SLC25A27: variants seen among roughly 807,000 people sequenced by gnomAD.
SLC25A27 encodes mitochondrial uncoupling protein 4.
In SLC25A27, 35 loss-of-function variants were observed where a neutral mutation model predicts 49.1. The ratio of observed to expected loss-of-function variants is 0.71; its 90% CI spans 0.54 to 0.95. The LOEUF is 0.95. SLC25A27 is among the 40% of genes least tolerant of loss of function. SLC25A27 has a pLI of 0.00. For synonymous variants in SLC25A27, 144 were observed against 136.9 expected (o/e 1.05, Z -0.36); for missense variants, 339 against 397.1 (o/e 0.85, Z 1.24).
At chr6:46,670,679 C>CA (rs1357276165) in intron 7 of SLC25A27, 2 of 167,974 alleles carry the variant, frequency 1.2e-5, no homozygotes, top group Non-Finnish European at 2.5e-5. Context: ...AAGATCAAAA[C>CA]AAGTTTTCTG....
At chr6:46,670,375 C>G (rs1763485057) in intron 7 of SLC25A27, 148 bp downstream of exon 7, 1 of 587,370 alleles carries the variant, frequency 1.7e-6, no homozygotes, top group Non-Finnish European at 3.0e-6. Context: ...CAATTACCTG[C>G]TCTTTGATGA....
intron 8 of SLC25A27, among the ~76,000 whole-genome samples, chr6:46,672,432 G>C (rs1327656542): frequency 6.6e-6 from 1 of 152,136 alleles, no homozygotes; most frequent in Non-Finnish European, 1.5e-5. Flanking sequence ...CTGTCGTGTG[G>C]ATTGGGAAAA....
chr6:46,674,398 C>T (rs1048910447), intron 8 of SLC25A27, among the ~76,000 whole-genome samples: 3 of 152,084 alleles, frequency 2.0e-5, no homozygotes, highest in Non-Finnish European at 2.9e-5. Context: ...ACTCAAAACC[C>T]TACGCTCCTT....
At chr6:46,670,352 CA>C (rs760875133) in intron 7 of SLC25A27, 125 bp downstream of exon 7, 2 of 676,254 alleles carry the variant, frequency 3.0e-6, no homozygotes, top group Non-Finnish European at 4.9e-6. Context: ...AAATTGAGCG[CA>C]TTTTTTTTAT....
chr6:46,661,256 A>C (rs1323550617), intron 3 of SLC25A27, among the ~76,000 whole-genome samples: 1 of 152,204 alleles, frequency 6.6e-6, no homozygotes, highest in Non-Finnish European at 1.5e-5. Context: ...GTATGTGCTC[A>C]TCATTGTGTG....
intron 3 of SLC25A27, among the ~76,000 whole-genome samples, chr6:46,660,802 A>G (rs553050267): frequency 1.4e-4 from 21 of 152,332 alleles, no homozygotes; most frequent in Admixed American, 1.0e-3. Context: ...ATTGTAATGT[A>G]CTAAGCTATA....
At position 46,668,740 on chromosome 6, in the gene SLC25A27, C is replaced by T. The variant is rs201592658; in HGVS notation, c.651C>T (p.Tyr217=). 1.5e-5 allele frequency: 24 copies of T among 1,609,016 alleles called. No individual in the cohort carries two copies. The Middle Eastern group carries it at 1.5e-3, about 99-fold the overall frequency. The change falls in exon 6 of 9, where the codon TAC becomes TAT. Residue 217 remains tyrosine (Y), a synonymous_variant. Coordinates refer to ENST00000371347, the MANE Select transcript of SLC25A27 (RefSeq NM_004277.5). ...DLTTYDTVKH[Y]LVLNTPLEDN... is the part of the protein sequence containing the mutation. ...CCACTTATGATACAGTGAAACACTA[C>T]TTGGTATTGAATACACCACTTGAGG...
chr6:46,658,125 G>T (rs1763045967), intron 2 of SLC25A27, among the ~76,000 whole-genome samples: 1 of 152,194 alleles, frequency 6.6e-6, no homozygotes, highest in Non-Finnish European at 1.5e-5. Context: ...TCTAAAATTT[G>T]CTGGCTTAAT....
At chr6:46,663,922 C>T (rs1763244116) in intron 4 of SLC25A27, among the ~76,000 whole-genome samples, 1 of 152,164 alleles carries the variant, frequency 6.6e-6, no homozygotes, top group African/African-American at 2.4e-5. Context: ...TAACATGCAT[C>T]TCATGTATAT....
Position 46,677,008 on chromosome 6 carries a change from G to A in SLC25A27, c.*554G>A. On this transcript the variant is annotated 3_prime_UTR_variant, in exon 9 of 9. Transcript: ENST00000371347. Reference sequence around the variant, plus strand: ...TGAATAAACATTTTGAGTTTCCCTAGTGTTGAAGGAAGGTGTACTTTTTCT... The same window carrying A: ...TGAATAAACATTTTGAGTTTCCCTAATGTTGAAGGAAGGTGTACTTTTTCT... 1 of 282,766 alleles carries A rather than the reference G, an allele frequency of 3.5e-6. No homozygotes were observed. The highest frequency in any genetic ancestry group is 8.7e-5 in the South Asian group (1 of 11,460). The allele number at this position is 282,766 out of a possible 1,614,324, so 17.5% of individuals were successfully genotyped here. A position where few individuals can be genotyped will look rare whatever the true frequency, so the allele number is the denominator to read the frequency against.
rs781141249 is a variant in SLC25A27 at position 46,662,404 on chromosome 6, G to T, written c.412G>T (p.Gly138Cys). Residue 138 changes from glycine (G) to cysteine (C), a missense_variant, in exon 4 of 9, where the codon GGT becomes TGT. Physicochemically the swap from Gly to Cys is radical, Grantham distance 159. Transcript: ENST00000371347. ...WKSVIGGMMA[G>C]VIGQFLANPT... Reference sequence around the variant, plus strand: ...ATCAGTCATTGGAGGGATGATGGCTGGTGTTATTGGCCAGTTTTTAGCCAA... The same window carrying T: ...ATCAGTCATTGGAGGGATGATGGCTTGTGTTATTGGCCAGTTTTTAGCCAA... 1 of 1,613,766 alleles carries T rather than the reference G, an allele frequency of 6.2e-7. No homozygotes were observed. Among genetic ancestry groups the T allele is most frequent in the South Asian group, 1.1e-5 (1 of 91,076 alleles).
chr6:46,659,636 C>T (rs1350619374), intron 3 of SLC25A27, among the ~76,000 whole-genome samples: 1 of 152,016 alleles, frequency 6.6e-6, no homozygotes. Context: ...GGCAGATTAC[C>T]TGAGGTCAGG....
At chr6:46,659,120 A>C (rs894566309) in intron 3 of SLC25A27, 74 bp downstream of exon 3, 3 of 955,404 alleles carry the variant, frequency 3.1e-6, no homozygotes, top group Admixed American at 4.4e-5. Context: ...GTAAAATTGT[A>C]CATTTGTACC....
At chr6:46,653,687 G>A (rs1762854965) in intron 1 of SLC25A27, 1 of 985,336 alleles carries the variant, frequency 1.0e-6, no homozygotes, top group South Asian at 4.7e-5. Flanking sequence ...CAGCCACACT[G>A]TCATTATCTT....
rs541018088 is a variant in SLC25A27, at chr6:46,653,149, G to A, written c.-44G>A. 1.3e-6 allele frequency: 2 copies of A among 1,566,910 alleles called. No individual in the cohort carries two copies. Among genetic ancestry groups the A allele is most frequent in the South Asian group, 2.3e-5 (2 of 88,414 alleles). ...AGCGGCCGCCGCGGCGCGGTGCAGCGCAGCGGCGAGAAGGAGTGCGTTATC... is the reference window on the plus strand; with the variant it reads ...AGCGGCCGCCGCGGCGCGGTGCAGCACAGCGGCGAGAAGGAGTGCGTTATC... On this transcript the variant is annotated 5_prime_UTR_variant, in exon 1 of 9. Coordinates refer to ENST00000371347, the MANE Select transcript of SLC25A27 (RefSeq NM_004277.5).
At chr6:46,657,779 AC>A (rs1763035989) in intron 2 of SLC25A27, among the ~76,000 whole-genome samples, 1 of 152,192 alleles carries the variant, frequency 6.6e-6, no homozygotes, top group Admixed American at 6.5e-5. Context: ...AGACCAGGCT[AC>A]TCTGAAAGAG....
At chr6:46,663,529 A>G (rs1028998266) in intron 4 of SLC25A27, among the ~76,000 whole-genome samples, 5 of 152,186 alleles carry the variant, frequency 3.3e-5, no homozygotes, top group South Asian at 2.1e-4. Flanking sequence ...ACAACTTCTA[A>G]TGACTAAATA....
At position 46,676,585 on chromosome 6, in the gene SLC25A27, G is replaced by A. The variant is rs1763800437; in HGVS notation, c.*131G>A. On this transcript the variant is annotated 3_prime_UTR_variant, in exon 9 of 9. Coordinates refer to ENST00000371347, the MANE Select transcript of SLC25A27 (RefSeq NM_004277.5). ...ATTCCACAGAGACTGATTTATAGGG[G>A]GCAGCACTTTATTTTTTTCTGGAAA... 6.4e-7 allele frequency: 1 copy of A among 1,568,512 alleles called. No individual in the cohort carries two copies. The highest frequency in any genetic ancestry group is 8.7e-7 in the Non-Finnish European group (1 of 1,155,538).
intron 3 of SLC25A27, among the ~76,000 whole-genome samples, chr6:46,661,393 A>C (rs1229924160): frequency 6.6e-6 from 1 of 152,238 alleles, no homozygotes; most frequent in Admixed American, 6.5e-5. Context: ...ATGTTCGTTA[A>C]ATAAATTATG....
Sources: allele counts gnomAD v4.1 joint callset (sites outside exome capture counted in the v4.1 genomes callset), GRCh38; gene constraint gnomAD v4.1.1; transcripts MANE v1.5; gene names NCBI Gene and HGNC (gene_info 2026-07-23, HGNC 2026-07-21).